Variants in RERE observed in about 807,000 individuals in gnomAD.
The protein encoded by RERE is arginine-glutamic acid dipeptide repeats protein.
A neutral mutation model predicts 146.1 loss-of-function variants in RERE; 40 were observed. The ratio of observed to expected loss-of-function variants is 0.27; its 90% CI spans 0.21 to 0.36. The LOEUF is 0.36. Ranked by LOEUF, RERE falls within the 10% of genes least tolerant of loss-of-function variation. RERE has a pLI of 1.00. For missense variants in RERE, 1,933 were observed against 2,138.7 expected (o/e 0.90, Z 1.90); for synonymous variants, 1,003 against 866.0 (o/e 1.16, Z -2.78).
chr1:8,544,189 A>C (rs976938746), intron 6 of RERE, among the ~76,000 whole-genome samples: 1 of 152,326 alleles, frequency 6.6e-6, no homozygotes, highest in South Asian at 2.1e-4. Context: ...CCAACCTTGC[A>C]TTCCTGGAAT....
At chr1:8,545,880 T>C (rs1645853783) in intron 6 of RERE, among the ~76,000 whole-genome samples, 1 of 150,396 alleles carries the variant, frequency 6.6e-6, no homozygotes, top group Non-Finnish European at 1.5e-5. Flanking sequence ...AGACGAGGTT[T>C]CACTGTGTTG....
chr1:8,563,921 A>C (rs1646107639), intron 4 of RERE, among the ~76,000 whole-genome samples: 1 of 152,264 alleles, frequency 6.6e-6, no homozygotes, highest in African/African-American at 2.4e-5. Flanking sequence ...AAATGTATAC[A>C]TAAAACTTTT....
chr1:8,633,476 C>T (rs1004499928), intron 2 of RERE, among the ~76,000 whole-genome samples: 6 of 150,278 alleles, frequency 4.0e-5, no homozygotes, highest in African/African-American at 1.2e-4. Context: ...CACACACACA[C>T]AAAAATGTAC....
chr1:8,440,160 T>A (rs1644227068), intron 11 of RERE, among the ~76,000 whole-genome samples: 1 of 152,242 alleles, frequency 6.6e-6, no homozygotes, highest in African/African-American at 2.4e-5. Context: ...CATCCTTCCA[T>A]GAAACCACTG....
At chr1:8,660,903 C>T (rs1194557429) in intron 1 of RERE, among the ~76,000 whole-genome samples, 1 of 152,190 alleles carries the variant, frequency 6.6e-6, no homozygotes, top group Non-Finnish European at 1.5e-5. Flanking sequence ...ACTCAGTGAA[C>T]AAATGTCAAG....
At chr1:8,798,210 C>G (rs1013782702) in intron 1 of RERE, among the ~76,000 whole-genome samples, 1 of 152,102 alleles carries the variant, frequency 6.6e-6, no homozygotes, top group African/African-American at 2.4e-5. Flanking sequence ...GCCTGGCCAA[C>G]AAGGCGAAAC....
Position 8,358,439 on chromosome 1 carries a change from A to G in RERE, c.4096T>C (p.Ser1366Pro), listed in dbSNP as rs202237175. The change falls in exon 20 of 23, where the codon TCT becomes CCT. Residue 1366 changes from serine (S) to proline (P), a missense_variant. Ser to Pro is a moderately conservative substitution (Grantham distance 74). Around this residue, in one of 11 missense-constraint regions of RERE, gnomAD observed 1,255 missense variants for 1,153.8 expected, o/e 1.09. Transcript: ENST00000400908. ...PPTAGPHPFA[S>P]FHPGLNPLER... The stretch of plus-strand genomic sequence containing the variant: ...AAGGGGTTCAGGCCCGGGTGGAAAG[A>G]AGCAAAAGGGTGGGGCCCGGCGGTC... 2 of 1,592,002 alleles carry G rather than the reference A, an allele frequency of 1.3e-6. No individual in the cohort carries two copies. Among genetic ancestry groups the G allele is most frequent in the African/African-American group, 2.7e-5 (2 of 74,464 alleles).
chr1:8,648,843 T>C (rs1424295829), intron 2 of RERE, among the ~76,000 whole-genome samples: 6 of 151,778 alleles, frequency 4.0e-5, no homozygotes, highest in Admixed American at 3.3e-4. Flanking sequence ...TCTAGGACTA[T>C]AGGGTAAATA....
chr1:8,467,243 G>A (rs1644612030), intron 10 of RERE, among the ~76,000 whole-genome samples: 1 of 152,188 alleles, frequency 6.6e-6, no homozygotes. Context: ...CGAACATTCA[G>A]GTCAAGTAAA....
chr1:8,691,054 C>T (rs1267708851), intron 1 of RERE, among the ~76,000 whole-genome samples: 1 of 152,070 alleles, frequency 6.6e-6, no homozygotes, highest in African/African-American at 2.4e-5. Context: ...CGCACCACCA[C>T]GCCCAGCTAA....
intron 11 of RERE, among the ~76,000 whole-genome samples, chr1:8,453,704 G>A (rs1416933067): frequency 6.6e-6 from 1 of 152,160 alleles, no homozygotes; most frequent in Non-Finnish European, 1.5e-5. Context: ...TACTGGGGAG[G>A]CTGAAGTGGG....
chr1:8,557,634 A>G (rs1456804396), intron 4 of RERE, 111 bp from the exon 5 acceptor site: 1 of 707,512 alleles, frequency 1.4e-6, no homozygotes, highest in African/African-American at 1.8e-5. Context: ...AGATAGGGAG[A>G]GACACAATTA....
At chr1:8,610,697 G>A (rs1445871887) in intron 4 of RERE, among the ~76,000 whole-genome samples, 2 of 152,066 alleles carry the variant, frequency 1.3e-5, no homozygotes, top group African/African-American at 4.8e-5. Context: ...GCTAAGTATG[G>A]TGCTAAGAAA....
rs572021156 is a variant in RERE at position 8,420,983 on chromosome 1, G to T, written c.1284+1744C>A. Among the ~76,000 whole-genome samples the T allele has an allele frequency of 3.3e-5, 5 of 152,312 alleles. No individual in the cohort carries two copies. In the South Asian group the frequency reaches 8.3e-4, roughly 25 times the overall value. On this transcript the variant is annotated intron_variant, in intron 12 of 22. Transcript: ENST00000400908. ...GTAGAAGAACTTAACTAGGTTAAAG[G>T]TTACTCACATCTGCTTCCACTACGG... is the stretch of plus-strand genomic sequence containing the variant.
At chr1:8,626,341 C>T (rs984585425) in intron 2 of RERE, among the ~76,000 whole-genome samples, 15 of 152,196 alleles carry the variant, frequency 9.9e-5, no homozygotes, top group African/African-American at 3.4e-4. Flanking sequence ...CCTTACTCAA[C>T]TCAACATGCC....
At chr1:8,399,761 T>C (rs546553217) in intron 12 of RERE, among the ~76,000 whole-genome samples, 12 of 152,264 alleles carry the variant, frequency 7.9e-5, no homozygotes, top group African/African-American at 2.9e-4. Flanking sequence ...TCCATTTATC[T>C]ACGTCTTTTT....
intron 1 of RERE, among the ~76,000 whole-genome samples, chr1:8,780,147 G>A (rs935913947): frequency 3.9e-5 from 6 of 152,172 alleles, no homozygotes; most frequent in Admixed American, 3.3e-4. Context: ...TAAGAAGACT[G>A]GGTTCTAATG....
chr1:8,786,542 G>A, intron 1 of RERE: 2 of 780,044 alleles, frequency 2.6e-6, no homozygotes, highest in Non-Finnish European at 4.6e-6. Context: ...ACAATCCTCA[G>A]CATGTTAACT....
At chr1:8,596,569 C>T (rs1646557449) in intron 4 of RERE, among the ~76,000 whole-genome samples, 2 of 151,848 alleles carry the variant, frequency 1.3e-5, no homozygotes, top group African/African-American at 4.8e-5. Flanking sequence ...TATAGTAGTA[C>T]AATCATAAGC....
Sources: gnomAD v4.1 joint callset for allele counts (sites outside exome capture counted in the v4.1 genomes callset) on GRCh38, gnomAD v4.1.1 for gene constraint, gnomAD v4.1.1 regional missense constraint, MANE v1.5 for transcripts, NCBI Gene and HGNC (gene_info 2026-07-23, HGNC 2026-07-21) for gene names.